SYNPR: variants seen among roughly 807,000 people sequenced by gnomAD.
SYNPR encodes synaptoporin.
SYNPR carries 23 observed loss-of-function variants against 32.9 expected under a neutral mutation model. That is an observed-to-expected ratio of 0.70 (90% CI 0.50 to 0.99). The LOEUF is 0.99. SYNPR is among the 50% of genes least tolerant of loss of function. The pLI, the probability that SYNPR is intolerant of heterozygous loss-of-function variation, is 0.00. For missense variants in SYNPR, 318 were observed against 349.3 expected, an observed-to-expected ratio of 0.91 and a Z score of 0.71; for synonymous variants, 146 against 135.9, an observed-to-expected ratio of 1.07 and a Z score of -0.52.
chr3:63,256,035 A>G (rs2086379395), intron 2 of SYNPR, among the ~76,000 whole-genome samples: 1 of 152,202 alleles, frequency 6.6e-6, no homozygotes, highest in Admixed American at 6.5e-5. Context: ...GGCGCCCGCC[A>G]TTGCCAAGGC....
chr3:63,291,627 A>C (rs1424191552), intron 2 of SYNPR, among the ~76,000 whole-genome samples: 2 of 152,180 alleles, frequency 1.3e-5, no homozygotes, highest in Non-Finnish European at 2.9e-5. Context: ...GTTGAAAGCA[A>C]AGCATGATTA....
At chr3:63,446,287 T>C (rs1420104773) in intron 2 of SYNPR, among the ~76,000 whole-genome samples, 2 of 151,900 alleles carry the variant, frequency 1.3e-5, no homozygotes, top group African/African-American at 4.8e-5. Flanking sequence ...CATGTTTTTT[T>C]TTTTTTTTTA....
At chr3:63,390,992 C>T (rs1851669) in intron 2 of SYNPR, among the ~76,000 whole-genome samples, 98,077 of 152,138 alleles carry the variant, frequency 0.64, 31,932 homozygotes, top group East Asian at 0.76. Context: ...AGTGCAGGGC[C>T]GTAGTAAGTC....
intron 2 of SYNPR, among the ~76,000 whole-genome samples, chr3:63,266,204 G>C (rs1269916403): frequency 1.3e-5 from 2 of 152,056 alleles, no homozygotes; most frequent in East Asian, 3.9e-4. Flanking sequence ...GCACAGGAAA[G>C]AGAAGAAGTT....
chr3:63,212,066 T>C, the SYNPR span, among the ~76,000 whole-genome samples: 2 of 52,370 alleles, frequency 3.8e-5, no homozygotes, highest in Non-Finnish European at 8.7e-5. Context: ...TGCATAGTAT[T>C]CCATGGTGTA....
chr3:63,500,738 G>A (rs1210725902), intron 3 of SYNPR, among the ~76,000 whole-genome samples: 1 of 152,040 alleles, frequency 6.6e-6, no homozygotes, highest in Non-Finnish European at 1.5e-5. Context: ...TTTGATCACT[G>A]CTCATTCACT....
chr3:63,323,739 AT>A (rs1272256676), intron 2 of SYNPR, among the ~76,000 whole-genome samples: 3 of 152,122 alleles, frequency 2.0e-5, no homozygotes, highest in African/African-American at 7.2e-5. Context: ...AAAATTTAAA[AT>A]GTACATTCAA....
chr3:63,204,850 G>C, the SYNPR span, among the ~76,000 whole-genome samples: 1 of 152,054 alleles, frequency 6.6e-6, no homozygotes, highest in Non-Finnish European at 1.5e-5. Flanking sequence ...ACCATGCCCG[G>C]CTAATTTTTG....
chr3:63,398,710 C>T (rs1028773650), intron 2 of SYNPR, among the ~76,000 whole-genome samples: 2 of 139,970 alleles, frequency 1.4e-5, no homozygotes, highest in African/African-American at 5.3e-5. Context: ...CAGAGCGAGA[C>T]TCCGTCTCAA....
chr3:63,578,991 A>ATTAAATCCATTAAATCC (rs1409181173), intron 4 of SYNPR, among the ~76,000 whole-genome samples: 2 of 151,432 alleles, frequency 1.3e-5, no homozygotes, highest in Non-Finnish European at 2.9e-5. Context: ...CCCCCACTAA[A>ATTAAATCCATTAAATCC]CTCCATTAAA....
chr3:63,327,876 T>C (rs1423756375), intron 2 of SYNPR, among the ~76,000 whole-genome samples: 3 of 152,106 alleles, frequency 2.0e-5, no homozygotes, highest in Admixed American at 6.5e-5. Context: ...TGAAAATTCA[T>C]TGAGCTGTTT....
At chr3:63,370,241 CTG>C (rs2087779016) in intron 2 of SYNPR, among the ~76,000 whole-genome samples, 1 of 152,110 alleles carries the variant, frequency 6.6e-6, no homozygotes, top group Admixed American at 6.5e-5. Flanking sequence ...GTTCTCTGCC[CTG>C]TGGAAGATGT....
intron 4 of SYNPR, among the ~76,000 whole-genome samples, chr3:63,570,576 C>T (rs1414925760): frequency 6.6e-6 from 1 of 152,132 alleles, no homozygotes. Flanking sequence ...TTCTCCCTCC[C>T]AGCCTATCAA....
chr3:63,203,068 G>GTGTGTATGTA, the SYNPR span: 5 of 108,594 alleles, frequency 4.6e-5, no homozygotes, highest in African/African-American at 2.3e-4. Context: ...ATATGTATGT[G>GTGTGTATGTA]TATATATATA....
chr3:63,399,878 A>G (rs2088265927), intron 2 of SYNPR, among the ~76,000 whole-genome samples: 2 of 152,336 alleles, frequency 1.3e-5, no homozygotes, highest in Non-Finnish European at 2.9e-5. Flanking sequence ...AAGTGTTGTC[A>G]GTTCCTAGTC....
rs139336979 is a variant in SYNPR at position 63,410,415 on chromosome 3, G to T, written c.85-70417G>T. 3.9e-3 allele frequency among the ~76,000 whole-genome samples: 597 copies of T among 152,210 alleles called. 7 individuals carry two copies. Among genetic ancestry groups the T allele is most frequent in the Middle Eastern group, 0.014 (4 of 294 alleles). On this transcript the variant is annotated intron_variant, in intron 2 of 5. Coordinates refer to ENST00000478300, the MANE Select transcript of SYNPR (RefSeq NM_001130003.2). ...GTTTTTAAAATCTTTCTGGGTCTGG[G>T]TCTGCTCTATGTCAGGCAGATAGCA...
chr3:63,210,811 T>C, the SYNPR span, among the ~76,000 whole-genome samples: 1 of 148,566 alleles, frequency 6.7e-6, no homozygotes, highest in East Asian at 1.9e-4. Flanking sequence ...CTTCCTTCCT[T>C]CCTTCCTTCC....
intron 2 of SYNPR, among the ~76,000 whole-genome samples, chr3:63,305,925 T>C (rs977528999): frequency 6.6e-6 from 1 of 151,974 alleles, no homozygotes; most frequent in African/African-American, 2.4e-5. Flanking sequence ...TATTTGGTCA[T>C]TCAGTGTCCT....
At chr3:63,543,084 C>G (rs1186221527) in intron 3 of SYNPR, among the ~76,000 whole-genome samples, 2 of 152,090 alleles carry the variant, frequency 1.3e-5, no homozygotes, top group Middle Eastern at 3.2e-3. Flanking sequence ...CAAAAATATG[C>G]AAATGCACAT....
Sources: gnomAD v4.1 joint callset for allele counts (sites outside exome capture counted in the v4.1 genomes callset) on GRCh38, gnomAD v4.1.1 for gene constraint, MANE v1.5 for transcripts, NCBI Gene and HGNC (gene_info 2026-07-23, HGNC 2026-07-21) for gene names.